PRKCB: variants seen among roughly 807,000 people sequenced by gnomAD.
PRKCB encodes the protein protein kinase C beta type.
PRKCB carries 13 observed loss-of-function variants against 81.5 expected under a neutral mutation model. The ratio of observed to expected loss-of-function variants is 0.16; its 90% CI spans 0.10 to 0.25. PRKCB has a LOEUF of 0.25. Ranked by LOEUF, PRKCB falls within the 10% of genes least tolerant of loss-of-function variation. The pLI is 1.00. For missense variants in PRKCB, 509 were observed against 875.7 expected, an observed-to-expected ratio of 0.58 and a Z score of 5.29; for synonymous variants, 335 against 321.4, an observed-to-expected ratio of 1.04 and a Z score of -0.45.
intron 5 of PRKCB, among the ~76,000 whole-genome samples, chr16:24,065,216 A>C (rs1176156788): frequency 6.6e-6 from 1 of 151,384 alleles, no homozygotes; most frequent in Non-Finnish European, 1.5e-5. Flanking sequence ...TTGCTGATAT[A>C]TTTGAGTCTA....
intron 2 of PRKCB, among the ~76,000 whole-genome samples, chr16:23,937,015 G>C (rs528117806): frequency 5.9e-5 from 9 of 152,208 alleles, no homozygotes; most frequent in Non-Finnish European, 1.0e-4. Context: ...ATTGTAGTAG[G>C]TACAGGGTTT....
intron 2 of PRKCB, among the ~76,000 whole-genome samples, chr16:23,956,463 G>T (rs868677838): frequency 6.6e-6 from 1 of 152,088 alleles, no homozygotes; most frequent in Non-Finnish European, 1.5e-5. Flanking sequence ...TAAAACATTA[G>T]CAATAGGCAT....
At chr16:24,007,446 C>G (rs752675756) in intron 3 of PRKCB, among the ~76,000 whole-genome samples, 2 of 152,212 alleles carry the variant, frequency 1.3e-5, no homozygotes, top group Non-Finnish European at 2.9e-5. Flanking sequence ...AAATGCAGTT[C>G]TCTTGATTGT....
intron 5 of PRKCB, among the ~76,000 whole-genome samples, chr16:24,045,349 T>C (rs534388001): frequency 6.6e-6 from 1 of 152,172 alleles, no homozygotes; most frequent in Non-Finnish European, 1.5e-5. Context: ...ATCTGCCTTG[T>C]GAGCTGGGCC....
chr16:24,019,760 C>G (rs1465291685), intron 3 of PRKCB, among the ~76,000 whole-genome samples: 1 of 149,078 alleles, frequency 6.7e-6, no homozygotes, highest in African/African-American at 2.5e-5. Context: ...TGAGGCCTTG[C>G]CTAAAAAAAA....
At chr16:24,054,413 C>G (rs1965880497) in intron 5 of PRKCB, among the ~76,000 whole-genome samples, 3 of 152,194 alleles carry the variant, frequency 2.0e-5, no homozygotes, top group Admixed American at 6.5e-5. Flanking sequence ...TGTCCCTATT[C>G]TGTAGAGGAG....
At chr16:23,978,023 T>C (rs563669884) in intron 2 of PRKCB, among the ~76,000 whole-genome samples, 59 of 152,294 alleles carry the variant, frequency 3.9e-4, no homozygotes, top group African/African-American at 1.4e-3. Context: ...CAACCGTATG[T>C]GAAATTGGTG....
chr16:23,990,431 C>T (rs1408517785), intron 3 of PRKCB, among the ~76,000 whole-genome samples: 1 of 150,096 alleles, frequency 6.7e-6, no homozygotes, highest in African/African-American at 2.5e-5. Flanking sequence ...GCACTCCAGC[C>T]TGGGCGACAG....
chr16:23,979,048 G>A (rs1964660492), intron 2 of PRKCB, among the ~76,000 whole-genome samples: 1 of 152,188 alleles, frequency 6.6e-6, no homozygotes, highest in Non-Finnish European at 1.5e-5. Flanking sequence ...GTGAGCAGAA[G>A]TAGGTAGGGA....
At chr16:24,096,666 A>T (rs12923521) in intron 7 of PRKCB, among the ~76,000 whole-genome samples, 2,077 of 28,028 alleles carry the variant, frequency 0.074, 51 homozygotes, top group Middle Eastern at 0.12. Flanking sequence ...AAAAAAAAAA[A>T]ATATATATAT....
chr16:24,039,807 A>G (rs1965677125), intron 5 of PRKCB, among the ~76,000 whole-genome samples: 1 of 152,172 alleles, frequency 6.6e-6, no homozygotes, highest in Admixed American at 6.5e-5. Context: ...GGCACACTCA[A>G]GTTTCCCTTG....
intron 9 of PRKCB, 118 bp from the exon 10 acceptor site, chr16:24,154,565 TC>T: frequency 1.1e-6 from 1 of 901,834 alleles, no homozygotes; most frequent in South Asian, 1.7e-5. Context: ...ACCTGTTGTT[TC>T]AGAGTCAACA....
At chr16:24,181,238 A>G (rs954128515) in intron 13 of PRKCB, among the ~76,000 whole-genome samples, 8 of 152,136 alleles carry the variant, frequency 5.3e-5, no homozygotes, top group Admixed American at 6.5e-5. Context: ...GATACCGCCT[A>G]ATTATGACAT....
chr16:24,063,149 C>T (rs570131323), intron 5 of PRKCB, among the ~76,000 whole-genome samples: 1 of 152,212 alleles, frequency 6.6e-6, no homozygotes, highest in South Asian at 2.1e-4. Context: ...GTAGCAATGA[C>T]ATCTCAATGC....
At chr16:24,018,286 A>G (rs1596513812) in intron 3 of PRKCB, among the ~76,000 whole-genome samples, 1 of 152,254 alleles carries the variant, frequency 6.6e-6, no homozygotes, top group East Asian at 1.9e-4. Flanking sequence ...CCTGGGCTCA[A>G]GCAGTCCTCC....
chr16:23,973,020 C>T (rs1964579091), intron 2 of PRKCB, among the ~76,000 whole-genome samples: 1 of 152,166 alleles, frequency 6.6e-6, no homozygotes, highest in African/African-American at 2.4e-5. Context: ...ATCCCAGCAA[C>T]TCCATGAGTA....
chr16:24,049,521 G>A (rs561962344), intron 5 of PRKCB, among the ~76,000 whole-genome samples: 2 of 149,304 alleles, frequency 1.3e-5, no homozygotes, highest in South Asian at 2.1e-4. Context: ...TGGCACAACC[G>A]GGACATGCAC....
In PRKCB at chr16:23,886,357, T is replaced by A. The variant is rs922450210; in HGVS notation, c.205+48951T>A. 2.0e-4 allele frequency among the ~76,000 whole-genome samples: 30 copies of A among 151,072 alleles called. 1 individual carries two copies. The highest frequency in any genetic ancestry group is 2.0e-3 in the Admixed American group (30 of 15,152). ...ACTTTGGGCAAAACATTCAACGTCA[T>A]CTTTACCTCTTAGAGTCACTGCGAG... On this transcript the variant is annotated intron_variant, in intron 2 of 16. Coordinates refer to ENST00000643927, the MANE Select transcript of PRKCB (RefSeq NM_002738.7).
At chr16:24,065,912 G>A (rs916128023) in intron 5 of PRKCB, among the ~76,000 whole-genome samples, 5 of 152,064 alleles carry the variant, frequency 3.3e-5, no homozygotes, top group African/African-American at 7.2e-5. Flanking sequence ...ATTTTCTTTC[G>A]GCACTTTAAA....
Sources: gnomAD v4.1 joint callset for allele counts (sites outside exome capture counted in the v4.1 genomes callset) on GRCh38, gnomAD v4.1.1 for gene constraint, MANE v1.5 for transcripts, NCBI Gene and HGNC (gene_info 2026-07-23, HGNC 2026-07-21) for gene names.